STK3: variants seen among roughly 807,000 people sequenced by gnomAD.
STK3 encodes the protein serine/threonine kinase 3, also known as serine/threonine-protein kinase 3.
Under a neutral mutation model 58.0 loss-of-function variants are expected in STK3, and 41 were observed. That is an observed-to-expected ratio of 0.71 (90% CI 0.55 to 0.92). The LOEUF (loss-of-function observed/expected upper bound fraction) is 0.92, where lower values mean the gene tolerates loss of function less well. Among genes scored for constraint, STK3 ranks in the 40% least tolerant of loss-of-function variants. The pLI, the probability that STK3 is intolerant of heterozygous loss-of-function variation, is 0.00. For missense variants in STK3, 479 were observed against 602.7 expected (o/e 0.79, Z 2.15); for synonymous variants, 170 against 191.0 (o/e 0.89, Z 0.91).
intron 3 of STK3, among the ~76,000 whole-genome samples, chr8:98,844,698 TC>T (rs1836132551): frequency 6.6e-6 from 1 of 152,084 alleles, no homozygotes; most frequent in African/African-American, 2.4e-5. Flanking sequence ...ACTCCTGAGC[TC>T]AAGGTATCCT....
In STK3 at chr8:98,548,109, A is replaced by T; in HGVS notation, c.1001T>A (p.Val334Glu). 6.2e-7 allele frequency: 1 copy of T among 1,602,426 alleles called. No individual in the cohort carries two copies. The highest frequency in any genetic ancestry group is 1.3e-5 in the African/African-American group (1 of 74,462). ...CGTGCTTGTGGCCCGCATGGTGCCC[A>T]CACTCTCCACACTAGTCTTCACCAT... Reference protein sequence around the residue: ...HTMVKTSVESVGTMRATSTMS... With the variant: ...HTMVKTSVESEGTMRATSTMS... Residue 334 changes from valine (V) to glutamate (E), a missense_variant, in exon 9 of 11, where the codon GTG (valine) becomes GAG (glutamate). Around this residue, in one of 3 missense-constraint regions of STK3, gnomAD observed 309 missense variants for 355.7 expected, o/e 0.87. Coordinates refer to ENST00000419617, the MANE Select transcript of STK3 (RefSeq NM_006281.4).
intron 6 of STK3, among the ~76,000 whole-genome samples, chr8:98,669,878 T>C (rs572599265): frequency 5.3e-5 from 8 of 152,320 alleles, no homozygotes; most frequent in South Asian, 2.1e-4. Context: ...TTTCAAACGA[T>C]AGAAGATCTC....
intron 4 of STK3, among the ~76,000 whole-genome samples, chr8:98,715,077 A>G (rs1388574922): frequency 1.3e-5 from 2 of 152,228 alleles, no homozygotes; most frequent in African/African-American, 2.4e-5. Flanking sequence ...CTGGCCAGCC[A>G]TATGAAGAAA....
chr8:98,740,651 T>A (rs533828630), intron 4 of STK3, among the ~76,000 whole-genome samples: 22 of 152,278 alleles, frequency 1.4e-4, no homozygotes, highest in African/African-American at 4.1e-4. Flanking sequence ...TGCCAAATTG[T>A]AAAGACCATC....
chr8:98,362,328 G>A, the STK3 span, among the ~76,000 whole-genome samples: 1 of 152,148 alleles, frequency 6.6e-6, no homozygotes, highest in Non-Finnish European at 1.5e-5. Flanking sequence ...GTAAGAGAGA[G>A]TGGGCTCAAG....
At chr8:98,472,184 G>T (rs1041002159) in intron 10 of STK3, among the ~76,000 whole-genome samples, 17 of 152,196 alleles carry the variant, frequency 1.1e-4, no homozygotes, top group African/African-American at 3.9e-4. Context: ...GAATCCAAGG[G>T]AACTGAATTT....
At chr8:98,699,603 G>C (rs1162462187) in intron 6 of STK3, among the ~76,000 whole-genome samples, 13 of 152,286 alleles carry the variant, frequency 8.5e-5, no homozygotes, top group African/African-American at 2.9e-4. Flanking sequence ...AGCTGCAGGT[G>C]TGTTGGAGTT....
chr8:98,941,066 C>T (rs1308060538), intron 1 of STK3, among the ~76,000 whole-genome samples: 1 of 152,180 alleles, frequency 6.6e-6, no homozygotes, highest in African/African-American at 2.4e-5. Context: ...GCGGAGCCCA[C>T]CACCGGTGTG....
In STK3 at chr8:98,503,206, A is replaced by G. The variant is rs189684474; in HGVS notation, c.1317+23536T>C. 7.8e-4 allele frequency among the ~76,000 whole-genome samples: 119 copies of G among 152,228 alleles called. 1 individual carries two copies. In the East Asian group the frequency reaches 0.021, roughly 27 times the overall value. ...AGTTTGTTTGCGTAGAGGTGTTTATAGTATTCTCTGATGGTAGTTTGTATT... is the reference window on the plus strand; with the variant it reads ...AGTTTGTTTGCGTAGAGGTGTTTATGGTATTCTCTGATGGTAGTTTGTATT... On this transcript the variant is annotated intron_variant, in intron 10 of 10. Coordinates refer to ENST00000419617, the MANE Select transcript of STK3 (RefSeq NM_006281.4).
chr8:98,815,189 G>A lies in STK3; in HGVS notation c.26+10326C>T, dbSNP rs115499930. ...GTCTGCTCTGAATAGTCTATATCAC[G>A]TAATTTGAATTTATATATGCCCAAT... is the stretch of plus-strand genomic sequence containing the variant. On this transcript the variant is annotated intron_variant, in intron 1 of 10. Coordinates refer to ENST00000419617, the MANE Select transcript of STK3 (RefSeq NM_006281.4). 5.5e-3 allele frequency among the ~76,000 whole-genome samples: 843 copies of A among 152,286 alleles called. 9 individuals are homozygous for A. The highest frequency in any genetic ancestry group is 0.02 in the African/African-American group (811 of 41,556).
At chr8:98,844,913 C>G (rs1209328088) in intron 3 of STK3, among the ~76,000 whole-genome samples, 1 of 152,150 alleles carries the variant, frequency 6.6e-6, no homozygotes, top group Non-Finnish European at 1.5e-5. Flanking sequence ...AGTGTTTTTT[C>G]TACTTTCCAA....
chr8:98,583,484 C>G (rs1400405618), intron 7 of STK3, among the ~76,000 whole-genome samples: 4 of 142,586 alleles, frequency 2.8e-5, no homozygotes, highest in Non-Finnish European at 6.0e-5. Context: ...TGAAAGTTAA[C>G]AGCAGGGTTG....
intron 8 of STK3, among the ~76,000 whole-genome samples, chr8:98,548,688 C>T (rs1044336735): frequency 6.6e-6 from 1 of 151,982 alleles, no homozygotes; most frequent in African/African-American, 2.4e-5. Context: ...GTTGTGCAAC[C>T]ACCACCATTA....
At chr8:98,641,800 A>G (rs755976740) in intron 6 of STK3, among the ~76,000 whole-genome samples, 1 of 152,216 alleles carries the variant, frequency 6.6e-6, no homozygotes, top group African/African-American at 2.4e-5. Context: ...TACTGAGTAC[A>G]ACATCACAAG....
At chr8:98,768,784 G>A (rs1285529193) in intron 2 of STK3, among the ~76,000 whole-genome samples, 1 of 152,244 alleles carries the variant, frequency 6.6e-6, no homozygotes, top group African/African-American at 2.4e-5. Context: ...AAACACGTAT[G>A]TGTGAATGAC....
chr8:98,929,905 G>A (rs1226998314), intron 1 of STK3, among the ~76,000 whole-genome samples: 2 of 152,200 alleles, frequency 1.3e-5, no homozygotes, highest in Admixed American at 1.3e-4. Flanking sequence ...AAATAGGGGT[G>A]AGGAAGACTG....
Position 98,717,733 on chromosome 8 carries a change from G to A in STK3, c.352-10422C>T, listed in dbSNP as rs541897797. ...TGTTTTTGAACAAGTTTCACCTCACGATGAACGTACACCCATGTTCATAGT... is the reference window on the plus strand; with the variant it reads ...TGTTTTTGAACAAGTTTCACCTCACAATGAACGTACACCCATGTTCATAGT... On this transcript the variant is annotated intron_variant, in intron 4 of 10. Coordinates refer to ENST00000419617, the MANE Select transcript of STK3 (RefSeq NM_006281.4). 1.6e-4 allele frequency among the ~76,000 whole-genome samples: 25 copies of A among 152,266 alleles called. No homozygotes were observed. In the East Asian group the frequency reaches 3.3e-3, roughly 20 times the overall value.
At chr8:98,897,371 C>A (rs2131943079) in intron 1 of STK3, among the ~76,000 whole-genome samples, 1 of 152,276 alleles carries the variant, frequency 6.6e-6, no homozygotes, top group South Asian at 2.1e-4. Context: ...TCCTGGTTAA[C>A]ACGGTGAAAC....
At chr8:98,914,461 T>TAC (rs34753292) in intron 1 of STK3, among the ~76,000 whole-genome samples, 26,690 of 143,244 alleles carry the variant, frequency 0.19, 3,527 homozygotes, top group African/African-American at 0.38. Flanking sequence ...AGCACATGCC[T>TAC]ACACACACAC....
Sources: allele counts gnomAD v4.1 joint callset (sites outside exome capture counted in the v4.1 genomes callset), GRCh38; gene constraint gnomAD v4.1.1; regional missense constraint gnomAD v4.1.1; transcripts MANE v1.5; gene names NCBI Gene and HGNC (gene_info 2026-07-23, HGNC 2026-07-21).